The following PAQR8 variants were observed in gnomAD, a reference collection of about 807,000 sequenced individuals.
PAQR8 encodes membrane progestin receptor beta.
A neutral mutation model predicts 25.2 loss-of-function variants in PAQR8; 17 were observed. That is an observed-to-expected ratio of 0.67 (90% CI 0.46 to 1.01). The LOEUF (loss-of-function observed/expected upper bound fraction) is 1.01. Ranked by LOEUF, PAQR8 falls within the 50% of genes least tolerant of loss-of-function variation. The pLI is 0.00. For synonymous variants in PAQR8, 204 were observed against 190.6 expected (o/e 1.07, Z -0.58); for missense variants, 392 against 448.4 (o/e 0.87, Z 1.14).
chr6:52,385,525 C>T (rs542781379), intron 1 of PAQR8, among the ~76,000 whole-genome samples: 21 of 152,252 alleles, frequency 1.4e-4, no homozygotes, highest in Non-Finnish European at 1.3e-4. Flanking sequence ...TCAAAAGCAT[C>T]TGCAACAAAA....
In PAQR8 at chr6:52,403,247, C is replaced by T; in HGVS notation, c.34C>T (p.Leu12=). 1 of 1,609,128 alleles carries T rather than the reference C, an allele frequency of 6.2e-7. No individual in the cohort carries two copies. Among genetic ancestry groups the T allele is most frequent in the Non-Finnish European group, 8.5e-7 (1 of 1,176,564 alleles). ...CGCCATCTTGGAGCGCCTGAGCACC[C>T]TGTCGGTCAGCGGGCAGCAGCTGCG... is the stretch of plus-strand genomic sequence containing the variant. The part of the protein sequence containing the change: ...TTAILERLST[L]SVSGQQLRRL... Residue 12 remains leucine, a synonymous_variant, in exon 2 of 2, where the codon CTG becomes TTG. Transcript: ENST00000442253.
chr6:52,365,406 TC>T, intron 1 of PAQR8, among the ~76,000 whole-genome samples: 1 of 152,324 alleles, frequency 6.6e-6, no homozygotes, highest in South Asian at 2.1e-4. Flanking sequence ...GCAAGTTGTT[TC>T]ATCTCTTTTG....
chr6:52,377,842 A>C (rs1052783721), intron 1 of PAQR8, among the ~76,000 whole-genome samples: 2 of 151,758 alleles, frequency 1.3e-5, no homozygotes, highest in Non-Finnish European at 2.9e-5. Context: ...TATCTCTATT[A>C]GCCAAACTTT....
rs1763876119 is a variant in PAQR8 at position 52,403,973 on chromosome 6, T to C, written c.760T>C (p.Phe254Leu). ...AAWYHTLQIL[F>L]FLVSAYFFSC... Reference sequence around the variant, plus strand: ...CTGGTACCACACCCTCCAGATCCTCTTCTTCCTGGTTAGCGCTTATTTCTT... The same window carrying C: ...CTGGTACCACACCCTCCAGATCCTCCTCTTCCTGGTTAGCGCTTATTTCTT... The change falls in exon 2 of 2, where the codon TTC becomes CTC. Residue 254 changes from phenylalanine to leucine, a missense_variant. Physicochemically the swap from Phe to Leu is conservative, Grantham distance 22. Transcript: ENST00000442253. The C allele has an allele frequency of 6.2e-7, 1 of 1,614,234 alleles. No homozygotes were observed. The highest frequency in any genetic ancestry group is 1.1e-5 in the South Asian group (1 of 91,090).
Position 52,404,542 on chromosome 6 carries a change from A to G in PAQR8, c.*264A>G. ...ACTAAGATTCATGAGACATTGAATT[A>G]AGGAGAATCATCTTCATGCCTGAAA... On this transcript the variant is annotated 3_prime_UTR_variant, in exon 2 of 2. Coordinates refer to ENST00000442253, the MANE Select transcript of PAQR8 (RefSeq NM_133367.5). 2.9e-6 allele frequency: 1 copy of G among 349,306 alleles called. No homozygotes were observed. The highest frequency in any genetic ancestry group is 2.1e-5 in the African/African-American group (1 of 48,138). 21.6% of individuals were successfully genotyped at this position (349,306 alleles called of 1,614,324 possible).
At chr6:52,371,667 A>G (rs2113935176) in intron 1 of PAQR8, among the ~76,000 whole-genome samples, 1 of 152,366 alleles carries the variant, frequency 6.6e-6, no homozygotes, top group Non-Finnish European at 1.5e-5. Context: ...AAAGGAGGTA[A>G]TAATATATCC....
chr6:52,365,724 A>G (rs965373045), intron 1 of PAQR8, among the ~76,000 whole-genome samples: 1 of 152,212 alleles, frequency 6.6e-6, no homozygotes, highest in African/African-American at 2.4e-5. Context: ...GAGTTTTTAA[A>G]GGGTAACCTG....
chr6:52,384,574 G>A (rs1180735381), intron 1 of PAQR8, among the ~76,000 whole-genome samples: 1 of 152,166 alleles, frequency 6.6e-6, no homozygotes, highest in African/African-American at 2.4e-5. Context: ...AATATTACAG[G>A]TGGAAGTTAG....
chr6:52,381,426 G>A (rs1332336088), intron 1 of PAQR8, among the ~76,000 whole-genome samples: 1 of 152,194 alleles, frequency 6.6e-6, no homozygotes, highest in East Asian at 1.9e-4. Flanking sequence ...TGGTCAACAT[G>A]GTGAAACCCC....
At chr6:52,379,618 T>G (rs1349501101) in intron 1 of PAQR8, among the ~76,000 whole-genome samples, 1 of 126,882 alleles carries the variant, frequency 7.9e-6, no homozygotes, top group Non-Finnish European at 1.6e-5. Flanking sequence ...CACCCAGCTT[T>G]CTTTTTTTTT....
At chr6:52,376,331 C>CT (rs766949756) in intron 1 of PAQR8, among the ~76,000 whole-genome samples, 4 of 152,114 alleles carry the variant, frequency 2.6e-5, no homozygotes, top group Admixed American at 1.3e-4. Flanking sequence ...CTGCCTGTCT[C>CT]TAAGAGGCTT....
chr6:52,403,267 G>A lies in PAQR8; in HGVS notation c.54G>A (p.Gln18=). The A allele has an allele frequency of 4.3e-6, 7 of 1,611,934 alleles. No homozygotes were observed. Among genetic ancestry groups the A allele is most frequent in the Non-Finnish European group, 5.9e-6 (7 of 1,178,464 alleles). Residue 18 remains glutamine, a synonymous_variant, in exon 2 of 2, where the codon CAG becomes CAA. Coordinates refer to ENST00000442253, the MANE Select transcript of PAQR8 (RefSeq NM_133367.5). ...RLSTLSVSGQ[Q]LRRLPKILED... is the part of the protein sequence containing the mutation. ...GCACCCTGTCGGTCAGCGGGCAGCA[G>A]CTGCGCCGCCTGCCCAAGATCCTGG...
In PAQR8 at chr6:52,404,435, G is replaced by T; in HGVS notation, c.*157G>T. The T allele has an allele frequency of 1.3e-6, 1 of 742,870 alleles. No individual in the cohort carries two copies. The highest frequency in any genetic ancestry group is 2.7e-5 in the East Asian group (1 of 36,382). 46.0% of individuals were successfully genotyped at this position (742,870 alleles called of 1,614,324 possible). A position where few individuals can be genotyped will look rare whatever the true frequency, so the allele number is the denominator to read the frequency against. On this transcript the variant is annotated 3_prime_UTR_variant, in exon 2 of 2. Transcript: ENST00000442253. ...TGTTTGAAAGCCAAAGGATTTAAGA[G>T]TTTTGTTGTTGTTAATAAAAGGAAT...
chr6:52,406,843 A>G lies in PAQR8; in HGVS notation c.*2565A>G. On this transcript the variant is annotated 3_prime_UTR_variant, in exon 2 of 2. Transcript: ENST00000442253. ...CTCCCAAAGTGTTGGGATTACAGAC[A>G]TTAGCCATCACGCCTGCCCTAGAAA... The G allele has an allele frequency of 3.1e-6, 1 of 317,874 alleles. No individual in the cohort carries two copies. The highest frequency in any genetic ancestry group is 6.0e-6 in the Non-Finnish European group (1 of 167,100). 19.7% of individuals were successfully genotyped at this position (317,874 alleles called of 1,614,324 possible). A position where few individuals can be genotyped will look rare whatever the true frequency, so the allele number is the denominator to read the frequency against.
chr6:52,370,842 T>TTA (rs1312048209), intron 1 of PAQR8, among the ~76,000 whole-genome samples: 3 of 152,210 alleles, frequency 2.0e-5, no homozygotes, highest in Admixed American at 1.3e-4. Flanking sequence ...CTCCCTATCT[T>TTA]CTGCATTGGA....
At position 52,370,936 on chromosome 6, in the gene PAQR8, G is replaced by GA. The variant is rs1019669947; in HGVS notation, c.-53+8693dup. ...TTTGCAATTGGGTGTTTGCAGAAAG[G>GA]AAAAAATTAAATCACTCATTGAAAA... On this transcript the variant is annotated intron_variant, in intron 1 of 1. Transcript: ENST00000442253. Among the ~76,000 whole-genome samples, 5 of 152,062 alleles carry GA rather than the reference G, an allele frequency of 3.3e-5. No homozygotes were observed. The East Asian group carries it at 7.7e-4, about 23-fold the overall frequency.
intron 1 of PAQR8, among the ~76,000 whole-genome samples, chr6:52,376,888 A>G (rs1041894679): frequency 1.3e-5 from 2 of 152,224 alleles, no homozygotes; most frequent in Admixed American, 6.5e-5. Context: ...AATGAATGCA[A>G]CTTTTCAGTA....
intron 1 of PAQR8, among the ~76,000 whole-genome samples, chr6:52,383,673 A>C (rs1263169414): frequency 6.6e-6 from 1 of 151,854 alleles, no homozygotes; most frequent in African/African-American, 2.4e-5. Context: ...AAAAAAAAAA[A>C]AAAACCAGGA....
At chr6:52,380,258 T>C (rs1763543562) in intron 1 of PAQR8, among the ~76,000 whole-genome samples, 1 of 151,830 alleles carries the variant, frequency 6.6e-6, no homozygotes, top group Non-Finnish European at 1.5e-5. Flanking sequence ...CTGGAAGGAG[T>C]TGTTTGTCTC....
Sources: allele counts gnomAD v4.1 joint callset (sites outside exome capture counted in the v4.1 genomes callset), GRCh38; gene constraint gnomAD v4.1.1; transcripts MANE v1.5; gene names NCBI Gene and HGNC (gene_info 2026-07-23, HGNC 2026-07-21).